Variants in PRKAG2 observed in about 807,000 individuals in gnomAD.
PRKAG2 encodes the protein protein kinase AMP-activated non-catalytic subunit gamma 2.
PRKAG2 carries 26 observed loss-of-function variants against 69.6 expected under a neutral mutation model. The observed-to-expected ratio is 0.37, with a 90% confidence interval of 0.27 to 0.52. PRKAG2 has a LOEUF of 0.52. Among genes scored for constraint, PRKAG2 ranks in the 20% least tolerant of loss-of-function variants. The pLI is 0.90. For synonymous variants in PRKAG2, 293 were observed against 285.0 expected, an observed-to-expected ratio of 1.03 and a Z score of -0.28; for missense variants, 557 against 740.0, an observed-to-expected ratio of 0.75 and a Z score of 2.87.
At chr7:151,776,170 A>C (rs1200323112) in intron 3 of PRKAG2, among the ~76,000 whole-genome samples, 1 of 152,174 alleles carries the variant, frequency 6.6e-6, no homozygotes, top group African/African-American at 2.4e-5. Context: ...CACCAACATG[A>C]GCAATTGCCC....
intron 4 of PRKAG2, among the ~76,000 whole-genome samples, chr7:151,637,852 C>T (rs570364595): frequency 6.6e-6 from 1 of 152,154 alleles, no homozygotes; most frequent in African/African-American, 2.4e-5. Flanking sequence ...GTCGTCGTTG[C>T]CCTTTTATGG....
chr7:151,874,231 TATG>T (rs2080310189), intron 1 of PRKAG2, among the ~76,000 whole-genome samples: 1 of 126,312 alleles, frequency 7.9e-6, no homozygotes, highest in African/African-American at 3.2e-5. Flanking sequence ...TGTATATGTA[TATG>T]ATGTATATGT....
At position 151,736,698 on chromosome 7, in the gene PRKAG2, C is replaced by T. The variant is rs560340852; in HGVS notation, c.466+44454G>A. Among the ~76,000 whole-genome samples, 21 of 152,322 alleles carry T rather than the reference C, an allele frequency of 1.4e-4. No homozygotes were observed. In the East Asian group the frequency reaches 1.5e-3, roughly 11 times the overall value. On this transcript the variant is annotated intron_variant, in intron 3 of 15. Coordinates refer to ENST00000287878, the MANE Select transcript of PRKAG2 (RefSeq NM_016203.4). Reference sequence around the variant, plus strand: ...AAATTGCTGAATCTACCCTGGCTCACGGTTCCACTCAATGAAAGCAGCAAT... The same window carrying T: ...AAATTGCTGAATCTACCCTGGCTCATGGTTCCACTCAATGAAAGCAGCAAT...
At chr7:151,786,282 C>T (rs2077001046) in intron 2 of PRKAG2, among the ~76,000 whole-genome samples, 188 bp downstream of exon 2, 1 of 152,180 alleles carries the variant, frequency 6.6e-6, no homozygotes, top group African/African-American at 2.4e-5. Context: ...TGGGATAGCC[C>T]GGCCGATACG....
chr7:151,748,769 A>G (rs761856226), intron 3 of PRKAG2, among the ~76,000 whole-genome samples: 1 of 152,268 alleles, frequency 6.6e-6, no homozygotes, highest in Non-Finnish European at 1.5e-5. Flanking sequence ...AAAAGCTAAA[A>G]TAAAAATAAA....
At chr7:151,733,261 C>T (rs1025628183) in intron 3 of PRKAG2, among the ~76,000 whole-genome samples, 6 of 152,226 alleles carry the variant, frequency 3.9e-5, no homozygotes, top group Non-Finnish European at 8.8e-5. Flanking sequence ...TAAGAGGAGC[C>T]TTAGCCTGAG....
intron 1 of PRKAG2, among the ~76,000 whole-genome samples, chr7:151,839,452 G>A (rs1344378404): frequency 1.3e-5 from 2 of 152,226 alleles, no homozygotes; most frequent in East Asian, 1.9e-4. Context: ...GATGGTCCAT[G>A]AGTCTGCTAT....
At chr7:151,656,784 G>C (rs1255511603) in intron 4 of PRKAG2, among the ~76,000 whole-genome samples, 1 of 152,030 alleles carries the variant, frequency 6.6e-6, no homozygotes, top group African/African-American at 2.4e-5. Flanking sequence ...GATTGTATTG[G>C]ATCAGTAGTT....
chr7:151,815,006 C>T (rs896646097), intron 1 of PRKAG2: 8 of 276,720 alleles, frequency 2.9e-5, no homozygotes, highest in African/African-American at 4.6e-5. Flanking sequence ...GGTCCTCTGG[C>T]CAGCACAACC....
At chr7:151,680,393 G>A (rs764522507) in intron 3 of PRKAG2, among the ~76,000 whole-genome samples, 1 of 152,164 alleles carries the variant, frequency 6.6e-6, no homozygotes, top group Non-Finnish European at 1.5e-5. Flanking sequence ...AGGGATCCTC[G>A]TTCCTTTCAT....
At chr7:151,832,418 C>T (rs1293429390) in intron 1 of PRKAG2, among the ~76,000 whole-genome samples, 2 of 152,118 alleles carry the variant, frequency 1.3e-5, no homozygotes, top group Admixed American at 6.5e-5. Flanking sequence ...CCTTCCCAGG[C>T]AGCCAGCAGA....
At chr7:151,844,549 G>T (rs1301593048) in intron 1 of PRKAG2, among the ~76,000 whole-genome samples, 2 of 152,184 alleles carry the variant, frequency 1.3e-5, no homozygotes, top group Non-Finnish European at 2.9e-5. Context: ...GTTATTTTAG[G>T]TAGGTCATAC....
intron 2 of PRKAG2, among the ~76,000 whole-genome samples, chr7:151,782,372 G>A (rs372299711): frequency 0.053 from 1,497 of 28,436 alleles, 96 homozygotes; most frequent in African/African-American, 0.085. Context: ...AGGGAGGGAG[G>A]GAAGGAAAGA....
chr7:151,833,072 C>A (rs1012231689), intron 1 of PRKAG2, among the ~76,000 whole-genome samples: 2 of 152,190 alleles, frequency 1.3e-5, no homozygotes, highest in Non-Finnish European at 2.9e-5. Context: ...GCGTCCATCA[C>A]GAAGCTGGCT....
chr7:151,782,385 G>GA (rs1430829194), intron 2 of PRKAG2, among the ~76,000 whole-genome samples: 4 of 52,350 alleles, frequency 7.6e-5, no homozygotes, highest in African/African-American at 2.2e-4. Flanking sequence ...AGGAAAGAAG[G>GA]AAGGAAGGAA....
In PRKAG2 at chr7:151,614,631, C is replaced by T. The variant is rs187812847; in HGVS notation, c.754+17438G>A. 6.6e-6 allele frequency among the ~76,000 whole-genome samples: 1 copy of T among 152,182 alleles called. No individual in the cohort carries two copies. The highest frequency in any genetic ancestry group is 6.5e-5 in the Admixed American group (1 of 15,288). The stretch of plus-strand genomic sequence containing the variant: ...CCACTTGACCTTGTGGTGGTTCACT[C>T]CACTCCACTGCCTTTCTTTCAGAGC... On this transcript the variant is annotated intron_variant, in intron 5 of 15. Coordinates refer to ENST00000287878, the MANE Select transcript of PRKAG2 (RefSeq NM_016203.4). This position sits in a 1 kb window ranked among gnomAD's most constrained non-coding sequence, Gnocchi z 4.4.
rs577488231 is a variant in PRKAG2 at position 151,651,698 on chromosome 7, T to C, written c.685-19560A>G. 3.3e-5 allele frequency among the ~76,000 whole-genome samples: 5 copies of C among 152,296 alleles called. No homozygotes were observed. The East Asian group carries it at 7.7e-4, about 23-fold the overall frequency. On this transcript the variant is annotated intron_variant, in intron 4 of 15. Transcript: ENST00000287878. ...GTAGGCTCCGAAAAGTTCAATGATA[T>C]GGTGTCAGATTACACACTGCGGCTA...
chr7:151,864,391 G>C (rs182053043), intron 1 of PRKAG2, among the ~76,000 whole-genome samples: 1 of 152,146 alleles, frequency 6.6e-6, no homozygotes, highest in Non-Finnish European at 1.5e-5. Context: ...CTCATTATAC[G>C]GCGGTCCAGG....
chr7:151,753,831 T>TC (rs397747020), intron 3 of PRKAG2, among the ~76,000 whole-genome samples: 59 of 151,960 alleles, frequency 3.9e-4, no homozygotes, highest in Middle Eastern at 6.9e-3. Flanking sequence ...CCCAGGTGTT[T>TC]GAGACCAGCC....
Sources: gnomAD v4.1 joint callset for allele counts (sites outside exome capture counted in the v4.1 genomes callset) on GRCh38, gnomAD v4.1.1 for gene constraint, Gnocchi (gnomAD v3.1) non-coding constraint, MANE v1.5 for transcripts, NCBI Gene and HGNC (gene_info 2026-07-23, HGNC 2026-07-21) for gene names.